PLCG2: variants seen among roughly 807,000 people sequenced by gnomAD.
The protein encoded by PLCG2 is phospholipase C gamma 2.
A neutral mutation model predicts 175.6 loss-of-function variants in PLCG2; 69 were observed. That is an observed-to-expected ratio of 0.39 (90% CI 0.32 to 0.48). PLCG2 has a LOEUF of 0.48. Ranked by LOEUF, PLCG2 falls within the 20% of genes least tolerant of loss-of-function variation. PLCG2 has a pLI of 0.91. For missense variants in PLCG2, 1,798 were observed against 1,650.9 expected (o/e 1.09, Z -1.54); for synonymous variants, 827 against 624.0 (o/e 1.33, Z -4.85).
chr16:81,823,133 C>T (rs138021178), intron 2 of PLCG2, among the ~76,000 whole-genome samples: 338 of 152,360 alleles, frequency 2.2e-3, no homozygotes, highest in Middle Eastern at 6.8e-3. Context: ...GGAAAGTGGC[C>T]TCTTGGATGA....
chr16:81,774,035 C>T (rs750095876), intron 2 of PLCG2, among the ~76,000 whole-genome samples: 5 of 151,774 alleles, frequency 3.3e-5, no homozygotes, highest in Admixed American at 6.6e-5. Context: ...TAGAGGTGCT[C>T]AAAGCAAAAC....
At position 81,883,270 on chromosome 16, in the gene PLCG2, A is replaced by C. The variant is rs990783463; in HGVS notation, c.694A>C (p.Asn232His). Residue 232 changes from asparagine (N) to histidine (H), a missense_variant and splice_region_variant, in exon 9 of 33, where the codon AAC (asparagine) becomes CAC (histidine). Transcript: ENST00000564138. ...KKDSSVFILG[N>H]TDRPDASAVY... is the part of the protein sequence containing the mutation. Reference sequence around the variant, plus strand: ...TGCACCCCCTTTCCCCGAGGATAGGAACACTGACAGGCCGGATGCCTCTGC... The same window carrying C: ...TGCACCCCCTTTCCCCGAGGATAGGCACACTGACAGGCCGGATGCCTCTGC... 1 of 1,613,930 alleles carries C rather than the reference A, an allele frequency of 6.2e-7. No homozygotes were observed. Among genetic ancestry groups the C allele is most frequent in the African/African-American group, 1.3e-5 (1 of 74,926 alleles).
At chr16:81,956,930 G>A (rs1429614390) in intron 32 of PLCG2, 51 bp downstream of exon 32, 4 of 1,476,286 alleles carry the variant, frequency 2.7e-6, no homozygotes, top group South Asian at 1.2e-5. Flanking sequence ...TCTAGGCACG[G>A]TGATGATGGG....
chr16:81,908,996 C>T (rs143372861), intron 17 of PLCG2, among the ~76,000 whole-genome samples: 4 of 152,266 alleles, frequency 2.6e-5, no homozygotes, highest in African/African-American at 9.6e-5. Flanking sequence ...CTCCATAAAA[C>T]GAGGACTCTA....
intron 2 of PLCG2, among the ~76,000 whole-genome samples, chr16:81,808,947 C>T (rs1302885972): frequency 2.0e-5 from 3 of 152,160 alleles, no homozygotes; most frequent in Non-Finnish European, 4.4e-5. Context: ...ATTGGACCTG[C>T]CTGATGAAGG....
chr16:81,806,121 A>T (rs2143273276), intron 2 of PLCG2, among the ~76,000 whole-genome samples: 1 of 147,118 alleles, frequency 6.8e-6, no homozygotes, highest in South Asian at 2.1e-4. Flanking sequence ...TTCAAAATCC[A>T]GTGTGTGTTT....
chr16:81,803,633 T>TACCCTCCCTCCC (rs1193582710), intron 2 of PLCG2, among the ~76,000 whole-genome samples: 1 of 88,572 alleles, frequency 1.1e-5, no homozygotes, highest in Admixed American at 1.4e-4. Context: ...TCTTTTCTTC[T>TACCCTCCCTCCC]TCCCTCCCTC....
At chr16:81,830,705 A>G (rs548348360) in intron 2 of PLCG2, among the ~76,000 whole-genome samples, 53 of 151,974 alleles carry the variant, frequency 3.5e-4, no homozygotes, top group African/African-American at 1.2e-3. Flanking sequence ...ATATATGTAT[A>G]TATATGAATG....
Position 81,952,481 on chromosome 16 carries a change from T to C in PLCG2, c.3571-4214T>C, listed in dbSNP as rs545439838. On this transcript the variant is annotated intron_variant, in intron 31 of 32. Coordinates refer to ENST00000564138, the MANE Select transcript of PLCG2 (RefSeq NM_002661.5). ...ATTTCCAGACATGGGATAAATAAAA[T>C]ATAAAAAGGACCTGGAGCATCTTAA... Among the ~76,000 whole-genome samples the C allele has an allele frequency of 1.7e-3, 251 of 151,954 alleles. 2 individuals carry two copies. The highest frequency in any genetic ancestry group is 5.6e-3 in the African/African-American group (232 of 41,426).
At chr16:81,790,858 C>G (rs966810354) in intron 2 of PLCG2, among the ~76,000 whole-genome samples, 3 of 152,092 alleles carry the variant, frequency 2.0e-5, no homozygotes, top group Admixed American at 6.5e-5. Flanking sequence ...CTACTGGCAT[C>G]TAGTGTGTAG....
Position 81,890,060 on chromosome 16 carries a change from G to T in PLCG2, c.867+787G>T, listed in dbSNP as rs557444282. Among the ~76,000 whole-genome samples, 3 of 152,268 alleles carry T rather than the reference G, an allele frequency of 2.0e-5. No individual in the cohort carries two copies. The South Asian group carries it at 6.2e-4, about 32-fold the overall frequency. ...GTTGTGGAAAATAGTGTGCTTCTGG[G>T]TGGGGCCACAGGACCAGTGGGCGGT... On this transcript the variant is annotated intron_variant, in intron 10 of 32. Transcript: ENST00000564138.
rs780081424 is a variant in PLCG2, at chr16:81,910,728, T to G, written c.1934+8T>G. 18 of 1,605,364 alleles carry G rather than the reference T, an allele frequency of 1.1e-5. No homozygotes were observed. In the East Asian group the frequency reaches 2.9e-4, roughly 26 times the overall value. On this transcript the variant is annotated splice_region_variant and intron_variant, in intron 18 of 32. Transcript: ENST00000564138. Reference sequence around the variant, plus strand: ...CCCCCACGAGTCCAAGCCGTACGTGTCTGAGGGTGGAGCAGGAGGCAGGCG... The same window carrying G: ...CCCCCACGAGTCCAAGCCGTACGTGGCTGAGGGTGGAGCAGGAGGCAGGCG...
chr16:81,757,260 G>C (rs1909947990), intron 2 of PLCG2, among the ~76,000 whole-genome samples: 1 of 151,810 alleles, frequency 6.6e-6, no homozygotes, highest in Non-Finnish European at 1.5e-5. Flanking sequence ...CCCATTTTCT[G>C]GGCTCCAATT....
In PLCG2 at chr16:81,804,340, C is replaced by G. The variant is rs538173357; in HGVS notation, c.193+18158C>G. ...AAATAGTTGATGTAATAATTTCCTT[C>G]TAAACATTGGCTTTCTGTAGACAGT... On this transcript the variant is annotated intron_variant, in intron 2 of 32. Coordinates refer to ENST00000564138, the MANE Select transcript of PLCG2 (RefSeq NM_002661.5). Among the ~76,000 whole-genome samples the G allele has an allele frequency of 2.6e-5, 4 of 152,302 alleles. No individual in the cohort carries two copies. In the East Asian group the frequency reaches 5.8e-4, roughly 22 times the overall value.
intron 2 of PLCG2, among the ~76,000 whole-genome samples, chr16:81,803,552 T>C (rs867586423): frequency 1.3e-3 from 81 of 61,348 alleles, no homozygotes; most frequent in African/African-American, 1.7e-3. Flanking sequence ...TTCTTTCCTT[T>C]CTTTCCTTCC....
At position 81,787,931 on chromosome 16, in the gene PLCG2, CGTT is replaced by C. The variant is rs142223658; in HGVS notation, c.193+1752_193+1754del. 2.0e-3 allele frequency among the ~76,000 whole-genome samples: 310 copies of C among 152,276 alleles called. 3 individuals carry two copies. The highest frequency in any genetic ancestry group is 7.2e-3 in the African/African-American group (301 of 41,554). On this transcript the variant is annotated intron_variant, in intron 2 of 32. Transcript: ENST00000564138. The stretch of plus-strand genomic sequence containing the variant: ...TCCTTTTTGTGGCAGAATCACGATA[CGTT>C]GTATGGGTATTCCACAGTTTATTCA...
chr16:81,790,816 C>T (rs1432628397), intron 2 of PLCG2, among the ~76,000 whole-genome samples: 5 of 152,040 alleles, frequency 3.3e-5, no homozygotes, highest in East Asian at 3.9e-4. Context: ...AGTCTGGAGA[C>T]GTGTTGATTT....
At chr16:81,784,492 A>G (rs986410675) in intron 1 of PLCG2, among the ~76,000 whole-genome samples, 6 of 152,298 alleles carry the variant, frequency 3.9e-5, no homozygotes, top group Admixed American at 2.6e-4. Flanking sequence ...GCTGAACACC[A>G]GCCTCTCACT....
At chr16:81,880,714 G>A (rs1908036221) in intron 7 of PLCG2, among the ~76,000 whole-genome samples, 196 bp from the exon 8 acceptor site, 1 of 152,206 alleles carries the variant, frequency 6.6e-6, no homozygotes, top group Non-Finnish European at 1.5e-5. Flanking sequence ...TGGAGGGAAT[G>A]AGGAGGGCTT....
Sources: gnomAD v4.1 joint callset for allele counts (sites outside exome capture counted in the v4.1 genomes callset) on GRCh38, gnomAD v4.1.1 for gene constraint, MANE v1.5 for transcripts, NCBI Gene and HGNC (gene_info 2026-07-23, HGNC 2026-07-21) for gene names.